The following SSX2IP variants were observed in gnomAD, a reference collection of about 807,000 sequenced individuals.
The protein encoded by SSX2IP is SSX family member 2 interacting protein, also known as afadin- and alpha-actinin-binding protein.
In SSX2IP, 55 loss-of-function variants were observed where a neutral mutation model predicts 84.9. The observed-to-expected ratio is 0.65, with a 90% CI of 0.52 to 0.81. The LOEUF is 0.81. Among genes scored for constraint, SSX2IP ranks in the 30% least tolerant of loss-of-function variants. The pLI, the probability that SSX2IP is intolerant of heterozygous loss-of-function variation, is 0.00. For synonymous variants in SSX2IP, 239 were observed against 234.7 expected (o/e 1.02, Z -0.17); for missense variants, 664 against 705.2 (o/e 0.94, Z 0.66).
At chr1:84,656,285 G>T (rs1651109306) in intron 10 of SSX2IP, 63 bp downstream of exon 10, 3 of 1,518,258 alleles carry the variant, frequency 2.0e-6, no homozygotes, top group Admixed American at 1.9e-5. Context: ...TACAAATCTG[G>T]TAAGGTTCAG....
chr1:84,664,599 T>C lies in SSX2IP; in HGVS notation c.538-47A>G. The stretch of plus-strand genomic sequence containing the variant: ...ATAAGCCCAGTAACGATTCACAAAT[T>C]TGAAAGAGAAAAATCCTAAAATTCA... On this transcript the variant is annotated intron_variant, in intron 5 of 13. Coordinates refer to ENST00000342203, the MANE Select transcript of SSX2IP (RefSeq NM_001166293.2). The C allele has an allele frequency of 6.8e-7, 1 of 1,468,326 alleles. No homozygotes were observed. The highest frequency in any genetic ancestry group is 9.0e-7 in the Non-Finnish European group (1 of 1,112,378). 91.0% of individuals were successfully genotyped at this position (1,468,326 alleles called of 1,614,324 possible).
At position 84,648,227 on chromosome 1, in the gene SSX2IP, T is replaced by C. The variant is rs150626660; in HGVS notation, c.1671-620A>G. Among the ~76,000 whole-genome samples, 59 of 152,292 alleles carry C rather than the reference T, an allele frequency of 3.9e-4. No homozygotes were observed. The East Asian group carries it at 7.9e-3, about 20-fold the overall frequency. Reference sequence around the variant, plus strand: ...AGAGAACCAAGTTTATCAAATAATTTAAAATGTGAAGAACCAAGTCAGGCT... The same window carrying C: ...AGAGAACCAAGTTTATCAAATAATTCAAAATGTGAAGAACCAAGTCAGGCT... On this transcript the variant is annotated intron_variant, in intron 13 of 13. Coordinates refer to ENST00000342203, the MANE Select transcript of SSX2IP (RefSeq NM_001166293.2).
At chr1:84,656,048 G>A (rs533289873) in intron 10 of SSX2IP, 43 bp from the exon 11 acceptor site, 10 of 1,534,560 alleles carry the variant, frequency 6.5e-6, no homozygotes, top group African/African-American at 2.8e-5. Flanking sequence ...GGGACCTTGC[G>A]ACACTCCAAC....
chr1:84,689,040 C>CT lies in SSX2IP; in HGVS notation c.-90+1330dup, dbSNP rs566838958. ...AGTGTTAAATTAGCTATTAGCTTTC[C>CT]TTACTTGTTTAGTGTGAATGAATAA... On this transcript the variant is annotated intron_variant, in intron 1 of 13. Transcript: ENST00000342203. 7.3e-3 allele frequency among the ~76,000 whole-genome samples: 1,107 copies of CT among 152,276 alleles called. 7 individuals are homozygous for CT. Among genetic ancestry groups the CT allele is most frequent in the Non-Finnish European group, 9.9e-3 (671 of 68,012 alleles).
At chr1:84,688,159 T>C (rs952663408) in intron 1 of SSX2IP, among the ~76,000 whole-genome samples, 2 of 152,336 alleles carry the variant, frequency 1.3e-5, no homozygotes, top group African/African-American at 4.8e-5. Flanking sequence ...ACATAAAACA[T>C]TGGCCCACAA....
intron 1 of SSX2IP, among the ~76,000 whole-genome samples, chr1:84,675,930 A>G (rs1654265094): frequency 6.6e-6 from 1 of 152,146 alleles, no homozygotes; most frequent in Admixed American, 6.5e-5. Context: ...CAATTAATGT[A>G]CATCTTACAC....
intron 4 of SSX2IP, among the ~76,000 whole-genome samples, chr1:84,669,285 C>T (rs1339517800): frequency 6.6e-6 from 1 of 151,910 alleles, no homozygotes; most frequent in Non-Finnish European, 1.5e-5. Flanking sequence ...TGAGCCTTAG[C>T]TCATTTGGCA....
chr1:84,674,425 T>C (rs1306198398), intron 1 of SSX2IP, among the ~76,000 whole-genome samples: 1 of 152,168 alleles, frequency 6.6e-6, no homozygotes, highest in Non-Finnish European at 1.5e-5. Context: ...GATATCTTTA[T>C]AAAAACACAG....
chr1:84,690,726 C>G (rs929989952), upstream of SSX2IP: 5 of 151,774 alleles, frequency 3.3e-5, no homozygotes, highest in Non-Finnish European at 5.9e-5. Context: ...TCCGCGCGCG[C>G]TGCGGGCGCA....
In SSX2IP at chr1:84,647,291, T is replaced by C. The variant is rs779891537; in HGVS notation, c.*142A>G. ...TAAATAGATTTAAGATTTCAACTCT[T>C]TGGGGGAAGACAGGGAAGTCCAAAC... On this transcript the variant is annotated 3_prime_UTR_variant, in exon 14 of 14. Coordinates refer to ENST00000342203, the MANE Select transcript of SSX2IP (RefSeq NM_001166293.2). 1.3e-5 allele frequency: 8 copies of C among 621,848 alleles called. No individual in the cohort carries two copies. Among genetic ancestry groups the C allele is most frequent in the South Asian group, 3.5e-5 (1 of 28,510 alleles). 38.5% of individuals were successfully genotyped at this position (621,848 alleles called of 1,614,324 possible).
Position 84,670,714 on chromosome 1 carries a change from C to A in SSX2IP, c.145G>T (p.Val49Leu). The A allele has an allele frequency of 6.2e-7, 1 of 1,612,940 alleles. No individual in the cohort carries two copies. Among genetic ancestry groups the A allele is most frequent in the Non-Finnish European group, 8.5e-7 (1 of 1,179,232 alleles). Residue 49 changes from valine (V) to leucine (L), a missense_variant, in exon 3 of 14, where the codon GTG (valine) becomes TTG (leucine). By Grantham distance (32) the Val-to-Leu change is conservative. Transcript: ENST00000342203. ...CAGAAGGCACTGAAAAAACTGTGCA[C>A]ATTTTTCGATAAAGGTATTGAAGAA... The part of the protein sequence containing the change: ...LCSSIPLSKN[V>L]HSFFSAFCTE...
chr1:84,675,649 C>T (rs1031582779), intron 1 of SSX2IP, among the ~76,000 whole-genome samples: 1 of 152,192 alleles, frequency 6.6e-6, no homozygotes, highest in African/African-American at 2.4e-5. Context: ...AAGGACAGAA[C>T]TCAAAGTTAT....
chr1:84,655,405 A>G (rs1407041753), intron 11 of SSX2IP: 7 of 1,277,588 alleles, frequency 5.5e-6, no homozygotes, highest in Non-Finnish European at 6.1e-6. Flanking sequence ...CAAGCTGTAG[A>G]GCGTATATAT....
chr1:84,682,093 C>T lies in SSX2IP; in HGVS notation c.-90+8278G>A, dbSNP rs117138100. Among the ~76,000 whole-genome samples, 60 of 152,296 alleles carry T rather than the reference C, an allele frequency of 3.9e-4. No individual in the cohort carries two copies. In the East Asian group the frequency reaches 7.7e-3, roughly 20 times the overall value. ...TGAAATTACTAAGAAGGTGCATTTCCGCTTCAAGAGAGCAGCTCACAAAGT... is the reference window on the plus strand; with the variant it reads ...TGAAATTACTAAGAAGGTGCATTTCTGCTTCAAGAGAGCAGCTCACAAAGT... On this transcript the variant is annotated intron_variant, in intron 1 of 13. Coordinates refer to ENST00000342203, the MANE Select transcript of SSX2IP (RefSeq NM_001166293.2).
At chr1:84,656,597 T>C in intron 9 of SSX2IP, 113 bp from the exon 10 acceptor site, 4 of 1,006,282 alleles carry the variant, frequency 4.0e-6, no homozygotes, top group Non-Finnish European at 5.3e-6. Context: ...TCTAGAATTT[T>C]ATAGGTTTTC....
At chr1:84,654,355 G>C (rs1284974282) in intron 11 of SSX2IP, among the ~76,000 whole-genome samples, 1 of 151,860 alleles carries the variant, frequency 6.6e-6, no homozygotes, top group African/African-American at 2.4e-5. Context: ...CTAAACACTA[G>C]GAGAAATGGA....
intron 13 of SSX2IP, among the ~76,000 whole-genome samples, chr1:84,649,328 G>A (rs1453066199): frequency 6.6e-6 from 1 of 152,110 alleles, no homozygotes; most frequent in Non-Finnish European, 1.5e-5. Context: ...AATGTATGAG[G>A]TGTGTCCCAC....
At position 84,658,519 on chromosome 1, in the gene SSX2IP, T is replaced by C. The variant is rs769450123; in HGVS notation, c.928-51A>G. 3.2e-6 allele frequency: 5 copies of C among 1,557,292 alleles called. No homozygotes were observed. The Admixed American group carries it at 5.9e-5, about 18-fold the overall frequency. ...AAAGGCTAGTACCTTACAATGGCTT[T>C]AGATGCTCAGGCAAGTAGTCTTCAG... On this transcript the variant is annotated intron_variant, in intron 8 of 13. Transcript: ENST00000342203.
rs1650828608 is a variant in SSX2IP, at chr1:84,654,788, G to A, written c.1389+1044C>T. On this transcript the variant is annotated intron_variant, in intron 11 of 13. Transcript: ENST00000342203. ...TCTTTCCTGGTTTTCCAACTTTTAA[G>A]TCTCAAGTTTAGACAAAGTACTTAT... Among the ~76,000 whole-genome samples the A allele has an allele frequency of 2.6e-5, 4 of 152,070 alleles. No individual in the cohort carries two copies. In the South Asian group the frequency reaches 8.3e-4, roughly 32 times the overall value.
Sources: gnomAD v4.1 joint callset for allele counts (sites outside exome capture counted in the v4.1 genomes callset) on GRCh38, gnomAD v4.1.1 for gene constraint, MANE v1.5 for transcripts, NCBI Gene and HGNC (gene_info 2026-07-23, HGNC 2026-07-21) for gene names.